STAG1: variants seen among roughly 807,000 people sequenced by gnomAD.
The protein encoded by STAG1 is STAG1 cohesin complex component, also known as cohesin subunit SA-1.
A neutral mutation model predicts 170.9 loss-of-function variants in STAG1; 26 were observed. That is an observed-to-expected ratio of 0.15 (90% CI 0.11 to 0.21). STAG1 has a LOEUF of 0.21. Among genes scored for constraint, STAG1 ranks in the 10% least tolerant of loss-of-function variants. STAG1 has a pLI of 1.00. For missense variants in STAG1, 964 were observed against 1,509.5 expected (o/e 0.64, Z 5.99); for synonymous variants, 514 against 497.7 (o/e 1.03, Z -0.44).
intron 1 of STAG1, among the ~76,000 whole-genome samples, chr3:136,632,760 C>T (rs1050110511): frequency 2.0e-5 from 3 of 152,074 alleles, no homozygotes; most frequent in African/African-American, 7.2e-5. Context: ...GAAGCATAGG[C>T]TTGCACCTCT....
intron 6 of STAG1, among the ~76,000 whole-genome samples, chr3:136,536,680 G>A (rs557444359): frequency 6.8e-6 from 1 of 146,268 alleles, no homozygotes; most frequent in East Asian, 2.0e-4. Context: ...CAGCCTGGGG[G>A]TGACAGAGCA....
intron 4 of STAG1, among the ~76,000 whole-genome samples, chr3:136,582,288 A>C (rs1195437984): frequency 6.6e-6 from 1 of 152,202 alleles, no homozygotes; most frequent in Non-Finnish European, 1.5e-5. Context: ...AGAGAAGTTC[A>C]GGTAATAAAC....
At chr3:136,551,787 G>T (rs1936418140) in intron 5 of STAG1, among the ~76,000 whole-genome samples, 2 of 151,834 alleles carry the variant, frequency 1.3e-5, no homozygotes, top group Admixed American at 6.6e-5. Flanking sequence ...TAGAGACAGG[G>T]TCTTACTATG....
At chr3:136,524,694 T>C (rs970919106) in intron 6 of STAG1, among the ~76,000 whole-genome samples, 5 of 151,888 alleles carry the variant, frequency 3.3e-5, no homozygotes, top group Admixed American at 6.6e-5. Context: ...GGGAATGCTT[T>C]CAGTTTTTGC....
chr3:136,461,011 G>A (rs939157153), intron 13 of STAG1, among the ~76,000 whole-genome samples: 2 of 152,094 alleles, frequency 1.3e-5, no homozygotes, highest in African/African-American at 4.8e-5. Flanking sequence ...TTATATCAGG[G>A]ACACAAAGAT....
At chr3:136,682,209 G>T (rs186807326) in intron 1 of STAG1, among the ~76,000 whole-genome samples, 95 of 152,062 alleles carry the variant, frequency 6.2e-4, no homozygotes, top group African/African-American at 2.2e-3. Context: ...GAGGTGGGTG[G>T]ATCACCTAAG....
chr3:136,494,262 C>G (rs1348258690), intron 9 of STAG1, among the ~76,000 whole-genome samples: 2 of 152,018 alleles, frequency 1.3e-5, no homozygotes, highest in African/African-American at 2.4e-5. Flanking sequence ...CAGACAGAGA[C>G]CCTGTCTCAA....
intron 21 of STAG1, among the ~76,000 whole-genome samples, chr3:136,414,073 T>C (rs1175133669): frequency 6.6e-6 from 1 of 152,254 alleles, no homozygotes; most frequent in Non-Finnish European, 1.5e-5. Context: ...CATAATTTTT[T>C]CAGTGGTGGA....
intron 1 of STAG1, among the ~76,000 whole-genome samples, chr3:136,696,075 T>C (rs1165362853): frequency 2.0e-5 from 3 of 152,104 alleles, no homozygotes; most frequent in Non-Finnish European, 2.9e-5. Context: ...AAACAAAAGA[T>C]TGGGGTTTTA....
At chr3:136,713,275 G>A (rs1439231939) in intron 1 of STAG1, among the ~76,000 whole-genome samples, 1 of 152,006 alleles carries the variant, frequency 6.6e-6, no homozygotes, top group South Asian at 2.1e-4. Context: ...CTGAGCCAAG[G>A]AAGCAAGACA....
Position 136,588,642 on chromosome 3 carries a change from A to AT in STAG1, c.297+15666dup, listed in dbSNP as rs575023166. ...GGCGTGAGCCACTGCATTTGGCTTTATTTTTTTTTTTGTCTCCCTCTGTTG... is the reference window on the plus strand; with the variant it reads ...GGCGTGAGCCACTGCATTTGGCTTTATTTTTTTTTTTTGTCTCCCTCTGTTG... On this transcript the variant is annotated intron_variant, in intron 4 of 33. Transcript: ENST00000383202. Among the ~76,000 whole-genome samples, 541 of 141,186 alleles carry AT rather than the reference A, an allele frequency of 3.8e-3. 10 individuals are homozygous for AT. The highest frequency in any genetic ancestry group is 2.7e-3 in the South Asian group (12 of 4,490). The allele number at this position is 141,186 out of a possible 152,430, so 92.6% of individuals were successfully genotyped here.
intron 1 of STAG1, among the ~76,000 whole-genome samples, chr3:136,745,132 A>G (rs1934871488): frequency 6.6e-6 from 1 of 152,256 alleles, no homozygotes; most frequent in Non-Finnish European, 1.5e-5. Context: ...AGCAGAAGCT[A>G]GAAAACAAGT....
intron 21 of STAG1, among the ~76,000 whole-genome samples, chr3:136,402,767 C>T (rs575343850): frequency 7.9e-5 from 12 of 151,718 alleles, no homozygotes; most frequent in African/African-American, 2.9e-4. Context: ...GAGAAGGTTG[C>T]AGTGAGTCGA....
At chr3:136,420,375 T>A (rs558078086) in intron 20 of STAG1, among the ~76,000 whole-genome samples, 75 of 152,258 alleles carry the variant, frequency 4.9e-4, no homozygotes, top group Non-Finnish European at 3.2e-4. Context: ...AACTATTTTG[T>A]TTTAATTGAG....
chr3:136,338,674 A>T (rs1046735346), intron 32 of STAG1, among the ~76,000 whole-genome samples: 1 of 152,244 alleles, frequency 6.6e-6, no homozygotes, highest in Non-Finnish European at 1.5e-5. Flanking sequence ...CAAAACTTTC[A>T]AACTATCATG....
intron 1 of STAG1, chr3:136,737,208 GCT>G (rs1934392332): frequency 1.5e-6 from 1 of 679,996 alleles, no homozygotes; most frequent in Admixed American, 1.8e-5. Context: ...ACGAAGTCCC[GCT>G]CTCTCCTGAA....
intron 4 of STAG1, among the ~76,000 whole-genome samples, chr3:136,588,285 G>A (rs779287770): frequency 2.6e-5 from 4 of 152,050 alleles, no homozygotes; most frequent in Non-Finnish European, 4.4e-5. Flanking sequence ...CCCGCCACCC[G>A]CCACTGCTAT....
intron 9 of STAG1, among the ~76,000 whole-genome samples, chr3:136,496,497 G>A (rs1194003226): frequency 6.6e-6 from 1 of 151,998 alleles, no homozygotes; most frequent in Admixed American, 6.6e-5. Flanking sequence ...TAACAGAAAG[G>A]TATCTAGAAA....
At chr3:136,542,862 A>G (rs1006696244) in intron 5 of STAG1, among the ~76,000 whole-genome samples, 1 of 152,146 alleles carries the variant, frequency 6.6e-6, no homozygotes, top group African/African-American at 2.4e-5. Context: ...CTGAGACAAG[A>G]GGCATCTAGA....
Sources: allele counts gnomAD v4.1 joint callset (sites outside exome capture counted in the v4.1 genomes callset), GRCh38; gene constraint gnomAD v4.1.1; transcripts MANE v1.5; gene names NCBI Gene and HGNC (gene_info 2026-07-23, HGNC 2026-07-21).